The following SLC2A13 variants were observed in gnomAD, a reference collection of about 807,000 sequenced individuals.
SLC2A13 encodes the protein solute carrier family 2 member 13.
SLC2A13 carries 32 observed loss-of-function variants against 64.4 expected under a neutral mutation model. That is an observed-to-expected ratio of 0.50 (90% CI 0.37 to 0.67). SLC2A13 has a LOEUF of 0.67. SLC2A13 is among the 30% of genes least tolerant of loss of function. The pLI is 0.00. For synonymous variants in SLC2A13, 338 were observed against 327.1 expected, an observed-to-expected ratio of 1.03 and a Z score of -0.36; for missense variants, 743 against 829.2, an observed-to-expected ratio of 0.90 and a Z score of 1.28.
intron 7 of SLC2A13, among the ~76,000 whole-genome samples, chr12:39,825,460 T>G (rs1942644087): frequency 6.6e-6 from 1 of 152,172 alleles, no homozygotes; most frequent in Non-Finnish European, 1.5e-5. Context: ...CTTTTGACTT[T>G]GAGAAAGTCA....
intron 7 of SLC2A13, among the ~76,000 whole-genome samples, chr12:39,790,210 T>G (rs1418133035): frequency 1.9e-5 from 1 of 51,516 alleles, no homozygotes; most frequent in Non-Finnish European, 4.2e-5. Context: ...ACAGTGTTTT[T>G]TTTTTCTTCT....
intron 7 of SLC2A13, among the ~76,000 whole-genome samples, chr12:39,814,427 C>A (rs1233432920): frequency 2.0e-5 from 3 of 152,144 alleles, no homozygotes; most frequent in Non-Finnish European, 4.4e-5. Context: ...AAGGCTTTAG[C>A]TGATCTTTAT....
chr12:39,952,245 T>C (rs551814057), intron 3 of SLC2A13, among the ~76,000 whole-genome samples: 1 of 152,258 alleles, frequency 6.6e-6, no homozygotes, highest in African/African-American at 2.4e-5. Context: ...TCACCTTAGC[T>C]TTAAGAGGCA....
chr12:39,976,428 T>C (rs1207747303), intron 3 of SLC2A13, among the ~76,000 whole-genome samples: 2 of 152,232 alleles, frequency 1.3e-5, no homozygotes, highest in African/African-American at 4.8e-5. Flanking sequence ...ACAAGAGAGA[T>C]ATATTCTAGC....
intron 4 of SLC2A13, among the ~76,000 whole-genome samples, chr12:39,902,123 A>T (rs546406845): frequency 6.8e-6 from 1 of 146,686 alleles, no homozygotes; most frequent in Non-Finnish European, 1.5e-5. Flanking sequence ...GTTCTCACTC[A>T]TAGGTGGGAA....
rs149151744 is a variant in SLC2A13, at chr12:39,945,153, A to G, written c.1034+6104T>C. On this transcript the variant is annotated intron_variant, in intron 4 of 9. Transcript: ENST00000280871. ...TCTCTGGAAACAAAATTCTTGGCTG[A>G]TAATTTTATTTGAGGAGGCTGAAGA... Among the ~76,000 whole-genome samples the G allele has an allele frequency of 2.0e-3, 304 of 152,288 alleles. 4 individuals carry two copies. The highest frequency in any genetic ancestry group is 6.8e-3 in the African/African-American group (283 of 41,554).
At chr12:39,866,519 C>T (rs1192224870) in intron 5 of SLC2A13, among the ~76,000 whole-genome samples, 2 of 152,044 alleles carry the variant, frequency 1.3e-5, no homozygotes, top group Non-Finnish European at 2.9e-5. Flanking sequence ...CTCGCTGTCG[C>T]CCTGGTTGGA....
chr12:39,967,858 G>T (rs916525894), intron 3 of SLC2A13, among the ~76,000 whole-genome samples: 2 of 152,120 alleles, frequency 1.3e-5, no homozygotes, highest in Admixed American at 6.6e-5. Context: ...AGAAAGCAAA[G>T]AACTGACATA....
intron 4 of SLC2A13, among the ~76,000 whole-genome samples, chr12:39,909,137 GA>G (rs960584333): frequency 2.6e-5 from 4 of 151,938 alleles, no homozygotes; most frequent in Admixed American, 2.0e-4. Context: ...TTGAAAAAAT[GA>G]ATATTTTGCA....
intron 9 of SLC2A13, 76 bp downstream of exon 9, chr12:39,764,384 C>T: frequency 1.6e-6 from 2 of 1,280,212 alleles, no homozygotes; most frequent in South Asian, 1.7e-5. Flanking sequence ...GTCTCAATCA[C>T]AAATGATATT....
At chr12:39,898,195 T>C (rs1412513093) in intron 4 of SLC2A13, among the ~76,000 whole-genome samples, 2 of 152,172 alleles carry the variant, frequency 1.3e-5, no homozygotes, top group African/African-American at 2.4e-5. Context: ...GTAAATATGA[T>C]GGGTTTAATG....
chr12:40,050,448 C>T (rs552974482), intron 1 of SLC2A13, among the ~76,000 whole-genome samples: 4 of 152,238 alleles, frequency 2.6e-5, no homozygotes, highest in South Asian at 4.1e-4. Flanking sequence ...GAAAGTAATA[C>T]GTACTGACAA....
intron 6 of SLC2A13, among the ~76,000 whole-genome samples, chr12:39,855,912 C>A (rs76663699): frequency 0.013 from 1,937 of 152,258 alleles, 57 homozygotes; most frequent in African/African-American, 0.044. Context: ...CACCACACAA[C>A]AATCTAAAAG....
intron 1 of SLC2A13, among the ~76,000 whole-genome samples, chr12:40,073,877 T>C (rs1048730459): frequency 2.6e-5 from 4 of 152,114 alleles, no homozygotes; most frequent in African/African-American, 9.7e-5. Context: ...CTGCCATTTA[T>C]TCTGCTTTGT....
At chr12:39,988,333 G>A (rs2136161803) in intron 3 of SLC2A13, among the ~76,000 whole-genome samples, 1 of 151,732 alleles carries the variant, frequency 6.6e-6, no homozygotes, top group Admixed American at 6.6e-5. Flanking sequence ...CAACATAATT[G>A]TTGAAAAAAA....
Position 39,755,863 on chromosome 12 carries a change from C to A in SLC2A13, c.*4163G>T, listed in dbSNP as rs1939958214. On this transcript the variant is annotated 3_prime_UTR_variant, in exon 10 of 10. Transcript: ENST00000280871. ...ACTAGCAAATTATACGGATAAAATACTTTCATGAACTTCTGAACATCAACA... is the reference window on the plus strand; with the variant it reads ...ACTAGCAAATTATACGGATAAAATAATTTCATGAACTTCTGAACATCAACA... 6.6e-6 allele frequency: 1 copy of A among 151,948 alleles called. No homozygotes were observed. The highest frequency in any genetic ancestry group is 6.6e-5 in the Admixed American group (1 of 15,196). 9.4% of individuals were successfully genotyped at this position (151,948 alleles called of 1,614,324 possible).
At chr12:39,891,507 TACTCA>T (rs1180258488) in intron 4 of SLC2A13, among the ~76,000 whole-genome samples, 2 of 152,188 alleles carry the variant, frequency 1.3e-5, no homozygotes, top group Non-Finnish European at 2.9e-5. Flanking sequence ...GTAATATATT[TACTCA>T]ACTCTATTGT....
chr12:40,063,130 C>T (rs528938782), intron 1 of SLC2A13, among the ~76,000 whole-genome samples: 9 of 152,064 alleles, frequency 5.9e-5, no homozygotes, highest in East Asian at 1.9e-4. Context: ...TATATAGATA[C>T]GCCCTCATTA....
chr12:40,077,599 T>C (rs1207716527), intron 1 of SLC2A13, among the ~76,000 whole-genome samples: 1 of 152,208 alleles, frequency 6.6e-6, no homozygotes, highest in East Asian at 1.9e-4. Context: ...CCTCTGGCTT[T>C]TGTTCTTTTA....
Sources: gnomAD v4.1 joint callset for allele counts (sites outside exome capture counted in the v4.1 genomes callset) on GRCh38, gnomAD v4.1.1 for gene constraint, MANE v1.5 for transcripts, NCBI Gene and HGNC (gene_info 2026-07-23, HGNC 2026-07-21) for gene names.